GRHL2: variants seen among roughly 807,000 people sequenced by gnomAD.
GRHL2 encodes grainyhead-like protein 2 homolog.
In GRHL2, 21 loss-of-function variants were observed where a neutral mutation model predicts 83.8. That is an observed-to-expected ratio of 0.25 (90% CI 0.18 to 0.36). The LOEUF is 0.36. GRHL2 is among the 10% of genes least tolerant of loss of function. The pLI is 1.00. For synonymous variants in GRHL2, 280 were observed against 278.9 expected (o/e 1.00, Z -0.04); for missense variants, 623 against 781.8 (o/e 0.80, Z 2.42).
intron 6 of GRHL2, among the ~76,000 whole-genome samples, chr8:101,574,869 G>A (rs1429311464): frequency 1.3e-5 from 2 of 152,240 alleles, no homozygotes; most frequent in East Asian, 1.9e-4. Context: ...GGTGCCATCT[G>A]TCTAGTAACT....
intron 4 of GRHL2, among the ~76,000 whole-genome samples, chr8:101,560,088 C>T (rs910490631): frequency 1.3e-5 from 2 of 152,256 alleles, no homozygotes; most frequent in Admixed American, 6.5e-5. Flanking sequence ...TCACTGCAAC[C>T]TCTGCCTCCC....
chr8:101,508,725 C>A (rs553551418), intron 1 of GRHL2, among the ~76,000 whole-genome samples: 1 of 152,148 alleles, frequency 6.6e-6, no homozygotes, highest in Admixed American at 6.5e-5. Context: ...ATGAATACAT[C>A]CAAACGACAA....
At chr8:101,649,680 G>C (rs1300287879) in intron 14 of GRHL2, among the ~76,000 whole-genome samples, 181 bp downstream of exon 14, 1 of 152,128 alleles carries the variant, frequency 6.6e-6, no homozygotes, top group Non-Finnish European at 1.5e-5. Flanking sequence ...GCATCTTGAG[G>C]AGAAGGAAAC....
intron 1 of GRHL2, among the ~76,000 whole-genome samples, chr8:101,531,281 A>T (rs1414327000): frequency 6.6e-6 from 1 of 151,658 alleles, no homozygotes; most frequent in African/African-American, 2.4e-5. Context: ...TCTAATGCTG[A>T]CTGCTACCTG....
chr8:101,522,395 G>A (rs1465330275), intron 1 of GRHL2, among the ~76,000 whole-genome samples: 1 of 152,164 alleles, frequency 6.6e-6, no homozygotes, highest in Non-Finnish European at 1.5e-5. Context: ...AAAGTATATA[G>A]TAGGATGTGC....
intron 1 of GRHL2, among the ~76,000 whole-genome samples, chr8:101,507,419 G>A (rs1426261761): frequency 6.6e-6 from 1 of 151,586 alleles, no homozygotes; most frequent in South Asian, 2.1e-4. Context: ...TATTCTATAA[G>A]AGGTAGTTAA....
intron 1 of GRHL2, chr8:101,542,914 A>G (rs1351488469): frequency 2.2e-6 from 1 of 455,794 alleles, no homozygotes; most frequent in African/African-American, 2.0e-5. Context: ...CTTAAAGATG[A>G]GTGGGCTCAA....
chr8:101,523,961 A>G (rs1297377640), intron 1 of GRHL2, among the ~76,000 whole-genome samples: 1 of 152,180 alleles, frequency 6.6e-6, no homozygotes, highest in African/African-American at 2.4e-5. Context: ...ATCACCAATC[A>G]TCAGGTGCGT....
At chr8:101,515,682 G>C (rs1170718319) in intron 1 of GRHL2, among the ~76,000 whole-genome samples, 1 of 152,136 alleles carries the variant, frequency 6.6e-6, no homozygotes, top group Non-Finnish European at 1.5e-5. Flanking sequence ...GGGTGTCCAG[G>C]AAAGCCTGGG....
downstream of GRHL2, among the ~76,000 whole-genome samples, chr8:101,673,283 C>T: frequency 6.6e-6 from 1 of 152,082 alleles, no homozygotes; most frequent in East Asian, 1.9e-4. Flanking sequence ...CAAGACCCAT[C>T]TGTGTGCTGT....
chr8:101,504,960 C>T, intron 1 of GRHL2, among the ~76,000 whole-genome samples: 1 of 145,148 alleles, frequency 6.9e-6, no homozygotes, highest in South Asian at 2.2e-4. Flanking sequence ...ACTGAAGTTG[C>T]CAACATTGCA....
intron 14 of GRHL2, among the ~76,000 whole-genome samples, chr8:101,658,827 C>A (rs76997572): frequency 0.022 from 3,373 of 152,120 alleles, 132 homozygotes; most frequent in African/African-American, 0.076. Context: ...TCAAAAAAAA[C>A]CAACTCTTGA....
intron 7 of GRHL2, among the ~76,000 whole-genome samples, chr8:101,597,737 A>G (rs746996708): frequency 2.8e-4 from 42 of 151,798 alleles, no homozygotes; most frequent in Non-Finnish European, 4.3e-4. Flanking sequence ...GCTAAATGAC[A>G]AGTTAATGGG....
intron 7 of GRHL2, among the ~76,000 whole-genome samples, chr8:101,595,622 G>A (rs564554832): frequency 6.6e-6 from 1 of 152,194 alleles, no homozygotes; most frequent in African/African-American, 2.4e-5. Flanking sequence ...GGAAGCACAG[G>A]TTTATATTTA....
rs1016142107 is a variant in GRHL2 at position 101,668,157 on chromosome 8, C to A, written c.*1454C>A. 2.0e-4 allele frequency: 31 copies of A among 152,648 alleles called. No individual in the cohort carries two copies. Among genetic ancestry groups the A allele is most frequent in the African/African-American group, 7.0e-4 (29 of 41,558 alleles). 9.5% of individuals were successfully genotyped at this position (152,648 alleles called of 1,614,324 possible). On this transcript the variant is annotated 3_prime_UTR_variant, in exon 16 of 16. Transcript: ENST00000646743. Reference sequence around the variant, plus strand: ...AGAGAAAAACACTCCCCTAAACAATCGCAAAATGATGAACCATCATGGGCC... The same window carrying A: ...AGAGAAAAACACTCCCCTAAACAATAGCAAAATGATGAACCATCATGGGCC...
chr8:101,495,685 G>A (rs1810086734), intron 1 of GRHL2, among the ~76,000 whole-genome samples: 1 of 152,056 alleles, frequency 6.6e-6, no homozygotes, highest in Non-Finnish European at 1.5e-5. Context: ...CCTACTATTT[G>A]TAACACATTC....
chr8:101,665,338 G>A (rs982989829), intron 15 of GRHL2, among the ~76,000 whole-genome samples: 3 of 152,124 alleles, frequency 2.0e-5, no homozygotes, highest in Admixed American at 1.3e-4. Flanking sequence ...CAGCTTCTGG[G>A]GTATTTTCCT....
chr8:101,653,284 C>G (rs996149339), intron 14 of GRHL2, among the ~76,000 whole-genome samples: 1 of 151,968 alleles, frequency 6.6e-6, no homozygotes, highest in Non-Finnish European at 1.5e-5. Flanking sequence ...GTTATATAGA[C>G]AGAAAAAATG....
chr8:101,623,828 G>GACAGTGCACAGTAGGACAGTTT (rs1554593568), intron 9 of GRHL2, among the ~76,000 whole-genome samples: 1 of 124,174 alleles, frequency 8.1e-6, no homozygotes, highest in Non-Finnish European at 1.9e-5. Context: ...TACACAGTAG[G>GACAGTGCACAGTAGGACAGTTT]ACAGTACACA....
Sources: allele counts gnomAD v4.1 joint callset (sites outside exome capture counted in the v4.1 genomes callset), GRCh38; gene constraint gnomAD v4.1.1; transcripts MANE v1.5; gene names NCBI Gene and HGNC (gene_info 2026-07-23, HGNC 2026-07-21).